The following KCNIP1 variants were observed in gnomAD, a reference collection of about 807,000 sequenced individuals.
KCNIP1 encodes the protein potassium voltage-gated channel interacting protein 1.
KCNIP1 carries 18 observed loss-of-function variants against 33.0 expected under a neutral mutation model. The ratio of observed to expected loss-of-function variants is 0.55; its 90% CI spans 0.38 to 0.81. KCNIP1 has a LOEUF of 0.81. KCNIP1 is among the 30% of genes least tolerant of loss of function. The pLI, the probability that KCNIP1 is intolerant of heterozygous loss-of-function variation, is 0.00. For synonymous variants in KCNIP1, 93 were observed against 98.3 expected, an observed-to-expected ratio of 0.95 and a Z score of 0.32; for missense variants, 238 against 271.6, an observed-to-expected ratio of 0.88 and a Z score of 0.87.
At chr5:170,451,272 T>C (rs181868331) in intron 1 of KCNIP1, among the ~76,000 whole-genome samples, 1 of 152,306 alleles carries the variant, frequency 6.6e-6, no homozygotes, top group Non-Finnish European at 1.5e-5. Context: ...TGTTTACCAA[T>C]GTTTATAATG....
chr5:170,705,973 T>C (rs1323675786), intron 1 of KCNIP1, among the ~76,000 whole-genome samples: 1 of 152,216 alleles, frequency 6.6e-6, no homozygotes, highest in Admixed American at 6.5e-5. Flanking sequence ...GCAAGGTGGG[T>C]ATGATTCTAG....
At chr5:170,693,969 A>T (rs6887777) in intron 1 of KCNIP1, among the ~76,000 whole-genome samples, 5,057 of 152,266 alleles carry the variant, frequency 0.033, 101 homozygotes, top group Non-Finnish European at 0.04. Context: ...CATTCACTCC[A>T]GAGGAGAGCC....
Position 170,561,255 on chromosome 5 carries a change from C to T in KCNIP1, c.61+56622C>T, listed in dbSNP as rs139920288. On this transcript the variant is annotated intron_variant, in intron 1 of 7. Coordinates refer to ENST00000328939, the MANE Select transcript of KCNIP1 (RefSeq NM_014592.4). ...CGCTCTGCTTGGCTGGCCCCTGCATCCTCAGATGAGACCGCCCTCCTCCCT... is the reference window on the plus strand; with the variant it reads ...CGCTCTGCTTGGCTGGCCCCTGCATTCTCAGATGAGACCGCCCTCCTCCCT... 2.9e-5 allele frequency: 11 copies of T among 385,884 alleles called. No individual in the cohort carries two copies. In the East Asian group the frequency reaches 7.3e-4, roughly 26 times the overall value. The allele number at this position is 385,884 out of a possible 1,614,324, so 23.9% of individuals were successfully genotyped here.
chr5:170,360,008 A>G (rs1271439770), intron 1 of KCNIP1, among the ~76,000 whole-genome samples: 2 of 152,246 alleles, frequency 1.3e-5, no homozygotes, highest in African/African-American at 2.4e-5. Context: ...AGTTTGCTCC[A>G]AATTAAAAGT....
intron 1 of KCNIP1, among the ~76,000 whole-genome samples, chr5:170,358,948 C>G (rs1264937918): frequency 1.3e-5 from 2 of 152,212 alleles, no homozygotes; most frequent in Non-Finnish European, 2.9e-5. Flanking sequence ...TTGCCACCAG[C>G]AGAGAGTCCC....
At chr5:170,367,342 GGAAAGA>G in intron 1 of KCNIP1, among the ~76,000 whole-genome samples, 2 of 58,220 alleles carry the variant, frequency 3.4e-5, no homozygotes, top group Non-Finnish European at 6.7e-5. Context: ...AAGGAAAGAA[GGAAAGA>G]AAAAGAAAGA....
At chr5:170,642,585 C>T (rs975863846) in intron 1 of KCNIP1, among the ~76,000 whole-genome samples, 3 of 152,154 alleles carry the variant, frequency 2.0e-5, no homozygotes, top group Non-Finnish European at 2.9e-5. Context: ...TGCAGGCCAG[C>T]GCTCCCATGC....
chr5:170,388,162 C>A (rs1489296858), intron 1 of KCNIP1, among the ~76,000 whole-genome samples: 1 of 152,236 alleles, frequency 6.6e-6, no homozygotes, highest in Non-Finnish European at 1.5e-5. Context: ...AAAGGAGAGG[C>A]TTCCCTGTCA....
intron 1 of KCNIP1, among the ~76,000 whole-genome samples, chr5:170,674,580 G>T (rs1762058795): frequency 6.6e-6 from 1 of 152,176 alleles, no homozygotes; most frequent in African/African-American, 2.4e-5. Context: ...GTAGGGGAGG[G>T]GGATGCTGAT....
intron 1 of KCNIP1, among the ~76,000 whole-genome samples, chr5:170,714,878 A>G (rs552280780): frequency 2.0e-5 from 3 of 152,272 alleles, no homozygotes; most frequent in African/African-American, 7.2e-5. Context: ...GCTAAGGTTA[A>G]TTTCTTATTG....
At chr5:170,490,691 C>G (rs1757187740) in intron 1 of KCNIP1, among the ~76,000 whole-genome samples, 1 of 152,136 alleles carries the variant, frequency 6.6e-6, no homozygotes, top group African/African-American at 2.4e-5. Flanking sequence ...TAAAAAATCT[C>G]ACATGACTTC....
At chr5:170,506,627 G>C (rs919687786) in intron 1 of KCNIP1, among the ~76,000 whole-genome samples, 2 of 152,196 alleles carry the variant, frequency 1.3e-5, no homozygotes, top group Non-Finnish European at 2.9e-5. Context: ...AAACAGAAGA[G>C]GGGGTACTGG....
At chr5:170,633,850 T>C (rs1561731446) in intron 1 of KCNIP1, among the ~76,000 whole-genome samples, 1 of 151,674 alleles carries the variant, frequency 6.6e-6, no homozygotes, top group Non-Finnish European at 1.5e-5. Flanking sequence ...ATTGGAGAGC[T>C]TGGGGCAGAA....
intron 1 of KCNIP1, among the ~76,000 whole-genome samples, chr5:170,555,286 A>C (rs1756805738): frequency 6.6e-6 from 1 of 152,138 alleles, no homozygotes; most frequent in Admixed American, 6.5e-5. Context: ...AATAGCTTCC[A>C]AGGAGGATCT....
chr5:170,423,691 C>T (rs1755549636), intron 1 of KCNIP1, among the ~76,000 whole-genome samples: 1 of 152,216 alleles, frequency 6.6e-6, no homozygotes, highest in South Asian at 2.1e-4. Context: ...TGAACTTTTT[C>T]ATTCTCAAAT....
chr5:170,403,713 A>T (rs776791502), intron 1 of KCNIP1, among the ~76,000 whole-genome samples: 19 of 152,352 alleles, frequency 1.2e-4, no homozygotes, highest in Non-Finnish European at 2.5e-4. Flanking sequence ...TCAGGCCCTA[A>T]TGCATAGCAG....
At chr5:170,579,640 G>A (rs1370127058) in intron 1 of KCNIP1, among the ~76,000 whole-genome samples, 1 of 152,178 alleles carries the variant, frequency 6.6e-6, no homozygotes. Context: ...TAGGACTCTG[G>A]TCCACACCTA....
At chr5:170,682,990 C>G (rs762459727) in intron 1 of KCNIP1, among the ~76,000 whole-genome samples, 5 of 151,990 alleles carry the variant, frequency 3.3e-5, no homozygotes, top group Admixed American at 1.3e-4. Flanking sequence ...CTCTTCCTTT[C>G]CATATCATAA....
intron 1 of KCNIP1, among the ~76,000 whole-genome samples, chr5:170,561,774 G>C (rs1360301348): frequency 6.6e-6 from 1 of 152,200 alleles, no homozygotes; most frequent in Non-Finnish European, 1.5e-5. Flanking sequence ...TGCGTGGTGG[G>C]CATTATCCTA....
Sources: allele counts gnomAD v4.1 joint callset (sites outside exome capture counted in the v4.1 genomes callset), GRCh38; gene constraint gnomAD v4.1.1; transcripts MANE v1.5; gene names NCBI Gene and HGNC (gene_info 2026-07-23, HGNC 2026-07-21).